The following PLD1 variants were observed in gnomAD, a reference collection of about 807,000 sequenced individuals.
The protein encoded by PLD1 is phospholipase D1.
PLD1 carries 112 observed loss-of-function variants against 137.1 expected under a neutral mutation model. The observed-to-expected ratio is 0.82, with a 90% confidence interval of 0.70 to 0.96. The LOEUF (loss-of-function observed/expected upper bound fraction) is 0.96. Ranked by LOEUF, PLD1 falls within the 40% of genes least tolerant of loss-of-function variation. PLD1 has a pLI of 0.00. For synonymous variants in PLD1, 431 were observed against 454.7 expected, an observed-to-expected ratio of 0.95 and a Z score of 0.66; for missense variants, 1,321 against 1,342.0, an observed-to-expected ratio of 0.98 and a Z score of 0.24.
At chr3:171,734,402 T>C (rs1719190034) in intron 5 of PLD1, among the ~76,000 whole-genome samples, 1 of 152,228 alleles carries the variant, frequency 6.6e-6, no homozygotes, top group Non-Finnish European at 1.5e-5. Context: ...GAGTTTTCTG[T>C]CCCAGTGCTG....
chr3:171,752,037 A>G (rs895561329), intron 1 of PLD1, among the ~76,000 whole-genome samples: 3 of 152,170 alleles, frequency 2.0e-5, no homozygotes, highest in Non-Finnish European at 4.4e-5. Context: ...AAAATTAGAC[A>G]ACTGAAAATA....
At chr3:171,716,630 T>C (rs897500512) in intron 8 of PLD1, among the ~76,000 whole-genome samples, 2 of 152,222 alleles carry the variant, frequency 1.3e-5, no homozygotes, top group African/African-American at 4.8e-5. Context: ...TCCTTATAGA[T>C]ACTGGCTATT....
At chr3:171,775,679 C>A (rs556180329) in intron 1 of PLD1, among the ~76,000 whole-genome samples, 1 of 152,110 alleles carries the variant, frequency 6.6e-6, no homozygotes, top group South Asian at 2.1e-4. Flanking sequence ...CCCGTCTCTA[C>A]TAAAAATACA....
chr3:171,799,200 G>A (rs1353246924), intron 1 of PLD1, among the ~76,000 whole-genome samples: 1 of 151,914 alleles, frequency 6.6e-6, no homozygotes, highest in Non-Finnish European at 1.5e-5. Flanking sequence ...TTAGCCGGGG[G>A]TGGTGGTGCG....
At chr3:171,617,770 CA>C (rs1733245778) in intron 24 of PLD1, among the ~76,000 whole-genome samples, 2 of 152,048 alleles carry the variant, frequency 1.3e-5, no homozygotes, top group Admixed American at 6.6e-5. Context: ...AATATTTCCT[CA>C]TGAGGAGTAA....
chr3:171,647,512 C>T (rs945031118), intron 21 of PLD1, among the ~76,000 whole-genome samples: 1 of 151,488 alleles, frequency 6.6e-6, no homozygotes, highest in African/African-American at 2.4e-5. Context: ...TGCAATGGTG[C>T]GATCTCGGCT....
intron 24 of PLD1, among the ~76,000 whole-genome samples, chr3:171,614,416 T>C (rs7645352): frequency 0.033 from 5,002 of 152,302 alleles, 179 homozygotes; most frequent in African/African-American, 0.088. Context: ...CTTTCATAAA[T>C]TGAGATAATA....
chr3:171,774,823 G>A (rs1218170831), intron 1 of PLD1, among the ~76,000 whole-genome samples: 1 of 152,160 alleles, frequency 6.6e-6, no homozygotes, highest in Non-Finnish European at 1.5e-5. Flanking sequence ...GAGGAGGGTG[G>A]GGAGATGCTC....
chr3:171,721,870 T>A (rs1442420263), intron 8 of PLD1, among the ~76,000 whole-genome samples: 1 of 152,174 alleles, frequency 6.6e-6, no homozygotes, highest in Non-Finnish European at 1.5e-5. Context: ...TCCTTGTAAT[T>A]TCTTCTGTCC....
chr3:171,647,338 T>C (rs901059744), intron 21 of PLD1, among the ~76,000 whole-genome samples: 11 of 152,212 alleles, frequency 7.2e-5, no homozygotes, highest in African/African-American at 2.2e-4. Context: ...GTAAAGTGTA[T>C]ATAATATATT....
intron 19 of PLD1, among the ~76,000 whole-genome samples, chr3:171,673,118 C>G (rs562641614): frequency 6.6e-6 from 1 of 152,266 alleles, no homozygotes; most frequent in African/African-American, 2.4e-5. Context: ...TATATTCTAG[C>G]ATTGGTAATT....
chr3:171,698,811 C>CA (rs11359377), intron 12 of PLD1, among the ~76,000 whole-genome samples: 5,602 of 103,832 alleles, frequency 0.054, 349 homozygotes, highest in African/African-American at 0.16. Context: ...TACAAAAATA[C>CA]AAAAAAAAAA....
At chr3:171,774,958 C>T (rs1722538261) in intron 1 of PLD1, among the ~76,000 whole-genome samples, 2 of 152,104 alleles carry the variant, frequency 1.3e-5, no homozygotes, top group Admixed American at 1.3e-4. Context: ...AGCAGAGGTG[C>T]ACATTTAGGA....
In PLD1 at chr3:171,764,937, A is replaced by AGGAAGGAAG. The variant is rs1721825691; in HGVS notation, c.-31-26856_-31-26855insCTTCCTTCC. Reference sequence around the variant, plus strand: ...GAAAGAAAGAAAGGAAAGAAAGGAAAGAAAGAAAGAAAGAAAGAAAGAAAG... The same window carrying AGGAAGGAAG: ...GAAAGAAAGAAAGGAAAGAAAGGAAAGGAAGGAAGGAAAGAAAGAAAGAAAGAAAGAAAG... On this transcript the variant is annotated intron_variant, in intron 1 of 26. Transcript: ENST00000351298. Among the ~76,000 whole-genome samples the AGGAAGGAAG allele has an allele frequency of 3.6e-4, 4 of 11,208 alleles. 1 individual carries two copies. The highest frequency in any genetic ancestry group is 1.3e-3 in the African/African-American group (4 of 2,972). 7.4% of individuals were successfully genotyped at this position (11,208 alleles called of 152,430 possible).
Position 171,686,834 on chromosome 3 carries a change from A to T in PLD1, c.1754-36T>A, listed in dbSNP as rs756209803. 8 of 1,044,084 alleles carry T rather than the reference A, an allele frequency of 7.7e-6. 1 individual carries two copies. Among genetic ancestry groups the T allele is most frequent in the East Asian group, 2.4e-5 (1 of 41,088 alleles). 64.7% of individuals were successfully genotyped at this position (1,044,084 alleles called of 1,614,324 possible). On this transcript the variant is annotated intron_variant, in intron 15 of 26. Transcript: ENST00000351298. Reference sequence around the variant, plus strand: ...TAAGAATTTTTTTACAAAAAAATACAAATATCAAATTTTCTAAACTGGAAA... The same window carrying T: ...TAAGAATTTTTTTACAAAAAAATACTAATATCAAATTTTCTAAACTGGAAA...
At chr3:171,766,637 T>C (rs1169383400) in intron 1 of PLD1, among the ~76,000 whole-genome samples, 1 of 152,210 alleles carries the variant, frequency 6.6e-6, no homozygotes, top group Non-Finnish European at 1.5e-5. Flanking sequence ...GTTTTTATTA[T>C]TTGCAACTTT....
intron 18 of PLD1, among the ~76,000 whole-genome samples, 186 bp downstream of exon 18, chr3:171,676,529 G>A (rs886357241): frequency 4.1e-5 from 6 of 148,082 alleles, no homozygotes; most frequent in African/African-American, 9.8e-5. Flanking sequence ...GTGGACATTC[G>A]GGAATGTTTC....
chr3:171,759,589 G>A (rs997720769), intron 1 of PLD1, among the ~76,000 whole-genome samples: 9 of 152,150 alleles, frequency 5.9e-5, no homozygotes, highest in African/African-American at 1.9e-4. Context: ...GGGAGAAAAA[G>A]AAGAAAAGGG....
At chr3:171,800,794 C>T (rs959964922) in intron 1 of PLD1, among the ~76,000 whole-genome samples, 3 of 152,152 alleles carry the variant, frequency 2.0e-5, no homozygotes, top group African/African-American at 7.2e-5. Context: ...AGGCCTGCTT[C>T]CCCAGAGGCT....
Sources: gnomAD v4.1 joint callset for allele counts (sites outside exome capture counted in the v4.1 genomes callset) on GRCh38, gnomAD v4.1.1 for gene constraint, MANE v1.5 for transcripts, NCBI Gene and HGNC (gene_info 2026-07-23, HGNC 2026-07-21) for gene names.